The following ATF3 variants were observed in gnomAD, a reference collection of about 807,000 sequenced individuals.
ATF3 encodes activating transcription factor 3.
ATF3 carries 10 observed loss-of-function variants against 18.4 expected under a neutral mutation model. The ratio of observed to expected loss-of-function variants is 0.54; its 90% confidence interval spans 0.34 to 0.92. The LOEUF (loss-of-function observed/expected upper bound fraction) is 0.92, where lower values mean the gene tolerates loss of function less well. ATF3 is among the 40% of genes least tolerant of loss of function. The pLI is 0.02. For missense variants in ATF3, 183 were observed against 222.3 expected, an observed-to-expected ratio of 0.82 and a Z score of 1.12; for synonymous variants, 78 against 87.9, an observed-to-expected ratio of 0.89 and a Z score of 0.63.
At position 212,618,897 on chromosome 1, in the gene ATF3, C is replaced by T; in HGVS notation, c.349-461C>T. The T allele has an allele frequency of 9.5e-7, 1 of 1,051,854 alleles. No individual in the cohort carries two copies. The highest frequency in any genetic ancestry group is 2.6e-5 in the East Asian group (1 of 38,754). The allele number at this position is 1,051,854 out of a possible 1,614,324, so 65.2% of individuals were successfully genotyped here. On this transcript the variant is annotated intron_variant, in intron 3 of 3. Transcript: ENST00000341491. The surrounding 1 kb of genome is among the most constrained non-coding windows in gnomAD (Gnocchi z 4.4). The stretch of plus-strand genomic sequence containing the variant: ...TCTTAGCCCAAGTCCCACAGATCCC[C>T]AAAAGTTCTGTTGATTGCTTCAGGG...
intron 1 of ATF3, among the ~76,000 whole-genome samples, chr1:212,611,750 G>A: frequency 6.6e-6 from 1 of 152,182 alleles, no homozygotes; most frequent in South Asian, 2.1e-4. Context: ...AAAAATCTGG[G>A]AGCTGAATTT....
At chr1:212,569,466 A>G (rs923767175) in intron 1 of ATF3, among the ~76,000 whole-genome samples, 1 of 152,220 alleles carries the variant, frequency 6.6e-6, no homozygotes, top group African/African-American at 2.4e-5. Context: ...CCTTACTAGG[A>G]TGAAAGACAG....
chr1:212,591,774 A>G (rs936497821), intron 1 of ATF3, among the ~76,000 whole-genome samples: 1 of 152,010 alleles, frequency 6.6e-6, no homozygotes, highest in Non-Finnish European at 1.5e-5. Flanking sequence ...CCTTCCGCAC[A>G]CTTTTCTTTT....
chr1:212,601,271 TG>T (rs1451863106), intron 1 of ATF3, among the ~76,000 whole-genome samples: 1 of 152,234 alleles, frequency 6.6e-6, no homozygotes, highest in Non-Finnish European at 1.5e-5. Context: ...ATTGCAAATT[TG>T]GCAGGGGGGA....
At chr1:212,574,447 C>A (rs1256237238) in intron 1 of ATF3, among the ~76,000 whole-genome samples, 2 of 151,876 alleles carry the variant, frequency 1.3e-5, no homozygotes, top group Non-Finnish European at 2.9e-5. Context: ...TTGGTATATT[C>A]ATCACAAATG....
chr1:212,572,325 T>C (rs1335264514), intron 1 of ATF3, among the ~76,000 whole-genome samples: 1 of 151,990 alleles, frequency 6.6e-6, no homozygotes, highest in Non-Finnish European at 1.5e-5. Flanking sequence ...GAGACCAGCC[T>C]GACCAAGATG....
chr1:212,604,649 T>C (rs1654571417), upstream of ATF3, among the ~76,000 whole-genome samples: 1 of 152,214 alleles, frequency 6.6e-6, no homozygotes, highest in South Asian at 2.1e-4. Context: ...TTACCTATGA[T>C]GTCTTCTCTC....
chr1:212,589,120 T>C (rs564519434), intron 1 of ATF3, among the ~76,000 whole-genome samples: 1 of 152,232 alleles, frequency 6.6e-6, no homozygotes, highest in Non-Finnish European at 1.5e-5. Flanking sequence ...TGGCCATGAG[T>C]GGTGACTGTG....
At chr1:212,572,100 G>A (rs934063489) in intron 1 of ATF3, among the ~76,000 whole-genome samples, 1 of 152,178 alleles carries the variant, frequency 6.6e-6, no homozygotes, top group Non-Finnish European at 1.5e-5. Context: ...TCTATTCTAT[G>A]TCTTGATATG....
intron 1 of ATF3, among the ~76,000 whole-genome samples, chr1:212,587,257 C>T (rs1664796687): frequency 6.6e-6 from 1 of 152,212 alleles, no homozygotes; most frequent in Non-Finnish European, 1.5e-5. Context: ...TCAATAAATG[C>T]TTGGGATGAA....
intron 1 of ATF3, among the ~76,000 whole-genome samples, chr1:212,599,011 A>G (rs6696022): frequency 0.1 from 15,882 of 152,156 alleles, 1,318 homozygotes; most frequent in East Asian, 0.24. Flanking sequence ...TGGTAGCTCT[A>G]CTTTTGGTTT....
intron 1 of ATF3, among the ~76,000 whole-genome samples, chr1:212,584,662 G>A (rs995537001): frequency 3.3e-5 from 5 of 152,180 alleles, no homozygotes; most frequent in African/African-American, 1.2e-4. Context: ...TGCCCTCACA[G>A]AAACACCCAG....
At chr1:212,593,832 A>G (rs1392407367) in intron 1 of ATF3, among the ~76,000 whole-genome samples, 3 of 151,070 alleles carry the variant, frequency 2.0e-5, no homozygotes, top group African/African-American at 7.3e-5. Flanking sequence ...TATTTATATC[A>G]GTCACCATTC....
chr1:212,578,851 T>C (rs1008868596), intron 1 of ATF3, among the ~76,000 whole-genome samples: 1 of 151,982 alleles, frequency 6.6e-6, no homozygotes, highest in Non-Finnish European at 1.5e-5. Flanking sequence ...CCAGAGTCTC[T>C]GGGGGCATTT....
At chr1:212,576,354 G>A (rs1414827211) in intron 1 of ATF3, among the ~76,000 whole-genome samples, 10 of 151,776 alleles carry the variant, frequency 6.6e-5, no homozygotes, top group Non-Finnish European at 1.5e-5. Context: ...TGAGCTCAGG[G>A]TTGATCTTTT....
In ATF3 at chr1:212,580,585, C is replaced by T. The variant is rs112611391; in HGVS notation, c.-5+15102C>T. 9.1e-3 allele frequency among the ~76,000 whole-genome samples: 1,387 copies of T among 152,142 alleles called. 19 individuals carry two copies. The highest frequency in any genetic ancestry group is 0.032 in the African/African-American group (1,337 of 41,488). The stretch of plus-strand genomic sequence containing the variant: ...CCTCCCAAAGCACTGGGATTACAGG[C>T]GTGAACCACCATACCCAGCCTTCAC... On this transcript the variant is annotated intron_variant, in intron 1 of 3. Transcript: ENST00000366981.
intron 1 of ATF3, among the ~76,000 whole-genome samples, chr1:212,594,715 G>C (rs1341283547): frequency 6.6e-6 from 1 of 152,220 alleles, no homozygotes; most frequent in African/African-American, 2.4e-5. Flanking sequence ...TCTGTAAAAT[G>C]GAGATGAAGC....
chr1:212,618,701 G>T lies in ATF3; in HGVS notation c.348+467G>T, dbSNP rs1655238875. Reference sequence around the variant, plus strand: ...TTCTTGTCTGGTTCCTAACTCTAGAGCCCTTCTCCCTGGCTTAGCCAGTAA... The same window carrying T: ...TTCTTGTCTGGTTCCTAACTCTAGATCCCTTCTCCCTGGCTTAGCCAGTAA... On this transcript the variant is annotated intron_variant, in intron 3 of 3. Transcript: ENST00000341491. The surrounding 1 kb of genome is among the most constrained non-coding windows in gnomAD (Gnocchi z 4.4). 1 of 456,382 alleles carries T rather than the reference G, an allele frequency of 2.2e-6. No homozygotes were observed. 28.3% of individuals were successfully genotyped at this position (456,382 alleles called of 1,614,324 possible). A position where few individuals can be genotyped will look rare whatever the true frequency, so the allele number is the denominator to read the frequency against.
chr1:212,591,933 C>G (rs1664894760), intron 1 of ATF3, among the ~76,000 whole-genome samples: 1 of 152,062 alleles, frequency 6.6e-6, no homozygotes, highest in South Asian at 2.1e-4. Context: ...TATTTTAAAG[C>G]AAATCATAGG....
Sources: gnomAD v4.1 joint callset for allele counts (sites outside exome capture counted in the v4.1 genomes callset) on GRCh38, gnomAD v4.1.1 for gene constraint, Gnocchi (gnomAD v3.1) non-coding constraint, MANE v1.5 for transcripts, NCBI Gene and HGNC (gene_info 2026-07-23, HGNC 2026-07-21) for gene names.